The following FAM117B variants were observed in gnomAD, a reference collection of about 807,000 sequenced individuals.
The protein encoded by FAM117B is protein FAM117B.
Under a neutral mutation model 52.8 loss-of-function variants are expected in FAM117B, and 22 were observed. The ratio of observed to expected loss-of-function variants is 0.42; its 90% confidence interval spans 0.30 to 0.59. The LOEUF is 0.59. FAM117B is among the 20% of genes least tolerant of loss of function. FAM117B has a pLI of 0.22. For synonymous variants in FAM117B, 309 were observed against 324.1 expected, an observed-to-expected ratio of 0.95 and a Z score of 0.50; for missense variants, 678 against 802.6, an observed-to-expected ratio of 0.84 and a Z score of 1.88.
chr2:202,646,421 T>A (rs1233299827), intron 1 of FAM117B, among the ~76,000 whole-genome samples: 1 of 152,236 alleles, frequency 6.6e-6, no homozygotes, highest in Non-Finnish European at 1.5e-5. Context: ...ACGCAGGGAC[T>A]CCCAAAAGTA....
intron 1 of FAM117B, among the ~76,000 whole-genome samples, chr2:202,650,290 G>A (rs1689937658): frequency 6.6e-6 from 1 of 151,998 alleles, no homozygotes; most frequent in East Asian, 1.9e-4. Context: ...GCTGGGATTT[G>A]GAACCTACTT....
At chr2:202,693,961 C>T (rs1690670243) in intron 1 of FAM117B, among the ~76,000 whole-genome samples, 1 of 152,088 alleles carries the variant, frequency 6.6e-6, no homozygotes. Context: ...AGGATGTGCA[C>T]ATTGAATATA....
At chr2:202,746,060 A>G (rs897891216) in intron 4 of FAM117B, among the ~76,000 whole-genome samples, 1 of 152,214 alleles carries the variant, frequency 6.6e-6, no homozygotes, top group African/African-American at 2.4e-5. Context: ...AAGTCAAGAA[A>G]GAAACATTGC....
At chr2:202,754,557 C>T (rs1363618936) in intron 4 of FAM117B, among the ~76,000 whole-genome samples, 1 of 151,882 alleles carries the variant, frequency 6.6e-6, no homozygotes, top group Non-Finnish European at 1.5e-5. Context: ...TTAATCTGTT[C>T]TCATGTTGCT....
intron 4 of FAM117B, among the ~76,000 whole-genome samples, chr2:202,727,061 ACT>A (rs1491463840): frequency 4.2e-5 from 6 of 141,250 alleles, no homozygotes; most frequent in African/African-American, 1.5e-4. Context: ...TCCAAAGAAC[ACT>A]TTTTTTTACT....
Position 202,635,261 on chromosome 2 carries a change from C to A in FAM117B, c.74C>A (p.Ala25Asp). Reference protein sequence around the residue: ...GSLGGGAVATAGGPGSRLQPM... With the variant: ...GSLGGGAVATDGGPGSRLQPM... ...CTTGGGGGTGGTGCGGTGGCCACGG[C>A]CGGGGGACCCGGGAGCCGCTTGCAG... Residue 25 changes from alanine (A) to aspartate (D), a missense_variant, in exon 1 of 8, where the codon GCC (alanine) becomes GAC (aspartate). By Grantham distance (126) the Ala-to-Asp change is moderately radical. This residue lies in a region of FAM117B where 583 missense variants were observed against 644.8 expected (regional missense o/e 0.90). Transcript: ENST00000392238. The A allele has an allele frequency of 7.3e-7, 1 of 1,378,476 alleles. No homozygotes were observed. The highest frequency in any genetic ancestry group is 1.6e-5 in the South Asian group (1 of 62,614). 85.4% of individuals were successfully genotyped at this position (1,378,476 alleles called of 1,614,324 possible). A position where few individuals can be genotyped will look rare whatever the true frequency, so the allele number is the denominator to read the frequency against.
intron 7 of FAM117B, among the ~76,000 whole-genome samples, chr2:202,763,875 C>G (rs1487816823): frequency 6.6e-6 from 1 of 152,204 alleles, no homozygotes; most frequent in Non-Finnish European, 1.5e-5. Context: ...ACTCATTCTT[C>G]AAAACCCAGC....
chr2:202,750,749 G>GA (rs1449529953), intron 4 of FAM117B, among the ~76,000 whole-genome samples: 1 of 151,924 alleles, frequency 6.6e-6, no homozygotes, highest in Non-Finnish European at 1.5e-5. Flanking sequence ...TAATCCAAAA[G>GA]AAAAAAATAC....
intron 1 of FAM117B, among the ~76,000 whole-genome samples, chr2:202,680,282 G>A (rs1014822061): frequency 3.9e-5 from 6 of 152,162 alleles, no homozygotes; most frequent in African/African-American, 7.2e-5. Context: ...ACAAGGGAGA[G>A]GGGGGAGGGA....
chr2:202,720,327 T>C (rs1214870346), intron 2 of FAM117B, among the ~76,000 whole-genome samples: 1 of 151,370 alleles, frequency 6.6e-6, no homozygotes, highest in Non-Finnish European at 1.5e-5. Flanking sequence ...ATGTTAAATA[T>C]ACAAAAAAAA....
In FAM117B at chr2:202,717,901, C is replaced by T. The variant is rs1257564442; in HGVS notation, c.754-7016C>T. ...CTTTCCTTCCTGGTGGTAAGTTTCC[C>T]CAGGCCCTGGGCAGGTCCAGAGGTG... On this transcript the variant is annotated intron_variant, in intron 2 of 7. Coordinates refer to ENST00000392238, the MANE Select transcript of FAM117B (RefSeq NM_173511.4). Among the ~76,000 whole-genome samples, 3 of 152,158 alleles carry T rather than the reference C, an allele frequency of 2.0e-5. No homozygotes were observed. The East Asian group carries it at 5.8e-4, about 29-fold the overall frequency.
At chr2:202,670,866 G>T (rs781253057) in intron 1 of FAM117B, among the ~76,000 whole-genome samples, 1 of 152,192 alleles carries the variant, frequency 6.6e-6, no homozygotes, top group African/African-American at 2.4e-5. Context: ...AAGGTCTGGG[G>T]CAAATGAGTA....
intron 1 of FAM117B, among the ~76,000 whole-genome samples, chr2:202,640,470 G>A (rs192758857): frequency 3.0e-4 from 45 of 150,988 alleles, no homozygotes; most frequent in Middle Eastern, 3.4e-3. Flanking sequence ...TGGACTAATA[G>A]GCAGAATCAA....
chr2:202,733,829 G>A (rs2105790562), intron 4 of FAM117B, among the ~76,000 whole-genome samples: 1 of 152,288 alleles, frequency 6.6e-6, no homozygotes, highest in Admixed American at 6.5e-5. Context: ...TTCCTGAGGT[G>A]ATGTACATTC....
chr2:202,766,912 C>G lies in FAM117B; in HGVS notation c.*1148C>G, dbSNP rs148421751. The G allele has an allele frequency of 1.3e-5, 2 of 152,534 alleles. No individual in the cohort carries two copies. Among genetic ancestry groups the G allele is most frequent in the Non-Finnish European group, 2.9e-5 (2 of 68,038 alleles). 9.4% of individuals were successfully genotyped at this position (152,534 alleles called of 1,614,324 possible). On this transcript the variant is annotated 3_prime_UTR_variant, in exon 8 of 8. Coordinates refer to ENST00000392238, the MANE Select transcript of FAM117B (RefSeq NM_173511.4). Reference sequence around the variant, plus strand: ...AAACTGTAGCCGCAGAATCCTGTGACTGACATTTTTCTTTGTGGTGGTGGT... The same window carrying G: ...AAACTGTAGCCGCAGAATCCTGTGAGTGACATTTTTCTTTGTGGTGGTGGT...
chr2:202,714,542 T>TC (rs1255419468), intron 2 of FAM117B, among the ~76,000 whole-genome samples: 2 of 145,770 alleles, frequency 1.4e-5, no homozygotes, highest in Non-Finnish European at 3.0e-5. Flanking sequence ...TCTTTTTTTT[T>TC]TTTTTTTTAT....
intron 1 of FAM117B, among the ~76,000 whole-genome samples, chr2:202,691,371 A>G (rs965722250): frequency 3.9e-5 from 6 of 152,136 alleles, no homozygotes; most frequent in African/African-American, 1.4e-4. Context: ...GTGAGCTGAG[A>G]TCATGCCTCT....
At chr2:202,659,931 AT>A (rs1221369903) in intron 1 of FAM117B, among the ~76,000 whole-genome samples, 1 of 151,272 alleles carries the variant, frequency 6.6e-6, no homozygotes, top group Non-Finnish European at 1.5e-5. Flanking sequence ...CACCGTGCTC[AT>A]TTTTTCCCCC....
At position 202,757,396 on chromosome 2, in the gene FAM117B, C is replaced by T; in HGVS notation, c.1288C>T (p.Pro430Ser). ...TISNEGSEES[P>S]CSADDLLVDP... ...TTCCAATGAAGGTAGCGAGGAGAGT[C>T]CTTGCTCAGCGGATGACCTGCTTGT... The change falls in exon 6 of 8, where the codon CCT becomes TCT. Residue 430 changes from proline to serine, a missense_variant. Physicochemically the swap from Pro to Ser is moderately conservative, Grantham distance 74. This residue lies in a region of FAM117B where 583 missense variants were observed against 644.8 expected (regional missense o/e 0.90). Coordinates refer to ENST00000392238, the MANE Select transcript of FAM117B (RefSeq NM_173511.4). The T allele has an allele frequency of 6.2e-7, 1 of 1,614,042 alleles. No homozygotes were observed. The highest frequency in any genetic ancestry group is 8.5e-7 in the Non-Finnish European group (1 of 1,180,024).
Sources: gnomAD v4.1 joint callset for allele counts (sites outside exome capture counted in the v4.1 genomes callset) on GRCh38, gnomAD v4.1.1 for gene constraint, gnomAD v4.1.1 regional missense constraint, MANE v1.5 for transcripts, NCBI Gene and HGNC (gene_info 2026-07-23, HGNC 2026-07-21) for gene names.